The following STYX variants were observed in gnomAD, a reference collection of about 807,000 sequenced individuals.
The protein encoded by STYX is serine/threonine/tyrosine interacting protein.
In STYX, 20 loss-of-function variants were observed where a neutral mutation model predicts 42.7. The ratio of observed to expected loss-of-function variants is 0.47; its 90% CI spans 0.33 to 0.68. The LOEUF is 0.68. Ranked by LOEUF, STYX falls within the 30% of genes least tolerant of loss-of-function variation. The pLI, the probability that STYX is intolerant of heterozygous loss-of-function variation, is 0.02. For missense variants in STYX, 226 were observed against 268.5 expected (o/e 0.84, Z 1.11); for synonymous variants, 78 against 81.9 (o/e 0.95, Z 0.26).
intron 9 of STYX, among the ~76,000 whole-genome samples, chr14:52,765,935 G>T (rs1438747169): frequency 6.6e-6 from 1 of 152,184 alleles, no homozygotes; most frequent in Non-Finnish European, 1.5e-5. Flanking sequence ...GGGGTCTGCA[G>T]TCCAGGGGTG....
At chr14:52,765,643 G>A (rs1882273807) in intron 9 of STYX, among the ~76,000 whole-genome samples, 1 of 152,202 alleles carries the variant, frequency 6.6e-6, no homozygotes, top group Non-Finnish European at 1.5e-5. Flanking sequence ...CCAAGGACCA[G>A]TTTCATGAAA....
At chr14:52,757,386 T>C (rs543651973) in intron 6 of STYX, 31 bp downstream of exon 6, 2 of 1,555,556 alleles carry the variant, frequency 1.3e-6, no homozygotes, top group African/African-American at 1.4e-5. Context: ...TTAACTAATG[T>C]TTATATTTTG....
chr14:52,750,636 A>G (rs1440339847), intron 3 of STYX, 47 bp from the exon 4 acceptor site: 17 of 1,210,172 alleles, frequency 1.4e-5, no homozygotes, highest in Non-Finnish European at 3.5e-6. Flanking sequence ...TTGATATTTT[A>G]AAATATTTAT....
intron 2 of STYX, 137 bp from the exon 3 acceptor site, chr14:52,746,289 T>TA: frequency 1.7e-6 from 1 of 586,284 alleles, no homozygotes; most frequent in East Asian, 3.5e-5. Flanking sequence ...AAAAAAAGAT[T>TA]AAAAAAATAG....
chr14:52,742,375 G>C (rs937729267), intron 1 of STYX, among the ~76,000 whole-genome samples: 1 of 152,096 alleles, frequency 6.6e-6, no homozygotes, highest in Non-Finnish European at 1.5e-5. Flanking sequence ...TTACAAGTAC[G>C]TTTCCACTTA....
intron 9 of STYX, among the ~76,000 whole-genome samples, chr14:52,762,821 C>A (rs1465650763): frequency 1.3e-5 from 2 of 149,486 alleles, no homozygotes; most frequent in African/African-American, 4.9e-5. Context: ...AGTTCTCAGA[C>A]AACATTCTTC....
intron 9 of STYX, among the ~76,000 whole-genome samples, chr14:52,763,418 C>G (rs750183002): frequency 6.6e-6 from 1 of 152,052 alleles, no homozygotes; most frequent in Admixed American, 6.6e-5. Context: ...TTTGCTGCTG[C>G]TGTTGTGAAT....
intron 1 of STYX, chr14:52,731,692 C>G (rs1226206900): frequency 6.6e-6 from 1 of 152,046 alleles, no homozygotes; most frequent in Admixed American, 6.6e-5. Flanking sequence ...GACTCGGCCT[C>G]CCAAAGTGCT....
At chr14:52,736,451 A>T (rs974449325) in intron 1 of STYX, among the ~76,000 whole-genome samples, 3 of 152,164 alleles carry the variant, frequency 2.0e-5, no homozygotes, top group Admixed American at 6.5e-5. Flanking sequence ...TTTTTAAGCA[A>T]ATTGGTTGTA....
intron 1 of STYX, among the ~76,000 whole-genome samples, chr14:52,732,925 C>A (rs1397504006): frequency 6.6e-6 from 1 of 152,166 alleles, no homozygotes; most frequent in African/African-American, 2.4e-5. Flanking sequence ...CCTGCCTCGG[C>A]CTCCCAAAGT....
At chr14:52,765,118 C>T (rs1882251506) in intron 9 of STYX, among the ~76,000 whole-genome samples, 1 of 152,056 alleles carries the variant, frequency 6.6e-6, no homozygotes, top group African/African-American at 2.4e-5. Context: ...TTTTCTTTTG[C>T]CCTTATATTT....
rs932263645 is a variant in STYX, at chr14:52,756,423, G to T, written c.243-128G>T. The T allele has an allele frequency of 5.2e-6, 3 of 579,120 alleles. No individual in the cohort carries two copies. In the African/African-American group the frequency reaches 6.0e-5, roughly 12 times the overall value. The allele number at this position is 579,120 out of a possible 1,614,324, so 35.9% of individuals were successfully genotyped here. Reference sequence around the variant, plus strand: ...ATGTAAAATCTACCACACAGTTCTTGGGAATATGATACTTTGAAAGTTGTT... The same window carrying T: ...ATGTAAAATCTACCACACAGTTCTTTGGAATATGATACTTTGAAAGTTGTT... On this transcript the variant is annotated intron_variant, in intron 4 of 10. Transcript: ENST00000354586.
chr14:52,753,587 A>G (rs1385047257), intron 4 of STYX, among the ~76,000 whole-genome samples: 1 of 152,088 alleles, frequency 6.6e-6, no homozygotes, highest in Non-Finnish European at 1.5e-5. Flanking sequence ...CCTTATATAA[A>G]CTGGTGTAAT....
rs1034818461 is a variant in STYX, at chr14:52,765,514, G to T, written c.505-3326G>T. Among the ~76,000 whole-genome samples the T allele has an allele frequency of 2.6e-5, 4 of 152,188 alleles. 1 individual carries two copies. The highest frequency in any genetic ancestry group is 3.2e-3 in the Middle Eastern group (1 of 316). ...TTACAGGTGTGAGCCACCGTGCCTG[G>T]CCTAAATATTGTTTTAGAGAAGTTT... On this transcript the variant is annotated intron_variant, in intron 9 of 10. Transcript: ENST00000354586.
At chr14:52,768,067 A>G (rs1429931810) in intron 9 of STYX, among the ~76,000 whole-genome samples, 3 of 152,072 alleles carry the variant, frequency 2.0e-5, no homozygotes, top group African/African-American at 7.2e-5. Context: ...ACTTTGTCAT[A>G]CCATGCAAGG....
intron 1 of STYX, among the ~76,000 whole-genome samples, chr14:52,739,088 TTTTG>T (rs549670477): frequency 1.3e-5 from 2 of 152,076 alleles, no homozygotes; most frequent in Non-Finnish European, 2.9e-5. Flanking sequence ...ATATCACGGA[TTTTG>T]TTTGTTTTTG....
intron 1 of STYX, among the ~76,000 whole-genome samples, chr14:52,739,855 G>C (rs1881116614): frequency 6.6e-6 from 1 of 151,696 alleles, no homozygotes; most frequent in African/African-American, 2.4e-5. Context: ...TATTGCCCAG[G>C]CTGGTCTTGA....
intron 1 of STYX, among the ~76,000 whole-genome samples, chr14:52,732,238 G>A (rs1880752900): frequency 2.0e-5 from 3 of 148,780 alleles, no homozygotes; most frequent in Admixed American, 2.0e-4. Flanking sequence ...AGTAGCTGGG[G>A]ATTACAGGCG....
intron 4 of STYX, among the ~76,000 whole-genome samples, chr14:52,755,706 C>G (rs1314180676): frequency 2.8e-5 from 4 of 143,524 alleles, no homozygotes; most frequent in Non-Finnish European, 4.5e-5. Context: ...TTTTTTTTCC[C>G]CTTTACTAAA....
Sources: allele counts gnomAD v4.1 joint callset (sites outside exome capture counted in the v4.1 genomes callset), GRCh38; gene constraint gnomAD v4.1.1; transcripts MANE v1.5; gene names NCBI Gene and HGNC (gene_info 2026-07-23, HGNC 2026-07-21).